The following DISP1 variants were observed in gnomAD, a reference collection of about 807,000 sequenced individuals.
DISP1 encodes dispatched RND transporter family member 1.
In DISP1, 30 loss-of-function variants were observed where a neutral mutation model predicts 37.3. That is an observed-to-expected ratio of 0.80 (90% confidence interval 0.60 to 1.09). DISP1 has a LOEUF of 1.09. Ranked by LOEUF, DISP1 falls within the 50% of genes least tolerant of loss-of-function variation. The probability of loss-of-function intolerance (pLI) is 0.00; values close to 1 mark genes in which losing one functional copy is unlikely to be tolerated. For synonymous variants in DISP1, 634 were observed against 690.2 expected (o/e 0.92, Z 1.28); for missense variants, 1,598 against 1,879.5 (o/e 0.85, Z 2.77).
At position 222,893,566 on chromosome 1, in the gene DISP1, G is replaced by A. The variant is rs932525705; in HGVS notation, c.-158-34864G>A. Among the ~76,000 whole-genome samples the A allele has an allele frequency of 1.3e-5, 2 of 152,194 alleles. No individual in the cohort carries two copies. The highest frequency in any genetic ancestry group is 6.5e-5 in the Admixed American group (1 of 15,284). On this transcript the variant is annotated intron_variant, in intron 1 of 8. Coordinates refer to ENST00000675850, the MANE Select transcript of DISP1 (RefSeq NM_001377229.1). The surrounding 1 kb of genome is among the most constrained non-coding windows in gnomAD (Gnocchi z 4.3). Reference sequence around the variant, plus strand: ...GGCACATCAGCTGCTGTGGCAGGGCGGGCAGCCCCAGGCGCCGGCACTGAC... The same window carrying A: ...GGCACATCAGCTGCTGTGGCAGGGCAGGCAGCCCCAGGCGCCGGCACTGAC...
rs576244707 is a variant in DISP1, at chr1:222,981,235, G to A, written c.510-1845G>A. On this transcript the variant is annotated intron_variant, in intron 3 of 8. Transcript: ENST00000675850. ...TTGGTTTTACAGACAAATACTCACA[G>A]GACAGAGAACAGCAAATTAGGTATC... is the stretch of plus-strand genomic sequence containing the variant. Among the ~76,000 whole-genome samples the A allele has an allele frequency of 4.6e-5, 7 of 152,282 alleles. No individual in the cohort carries two copies. In the South Asian group the frequency reaches 1.2e-3, roughly 27 times the overall value.
chr1:222,951,956 A>G (rs1675256590), intron 3 of DISP1, among the ~76,000 whole-genome samples: 1 of 152,234 alleles, frequency 6.6e-6, no homozygotes, highest in Non-Finnish European at 1.5e-5. Flanking sequence ...ACTTTTATGT[A>G]TAAATTTTTA....
At position 222,973,509 on chromosome 1, in the gene DISP1, ATG is replaced by A. The variant is rs1218245891; in HGVS notation, c.510-9567_510-9566del. On this transcript the variant is annotated intron_variant, in intron 3 of 8. Transcript: ENST00000675850. Reference sequence around the variant, plus strand: ...TGTGTATGTATATGTTTGTATATGAATGTGTACTCACATTGTGTAGTGCCCCA... The same window carrying A: ...TGTGTATGTATATGTTTGTATATGAATGTACTCACATTGTGTAGTGCCCCA... Among the ~76,000 whole-genome samples, 10 of 152,284 alleles carry A rather than the reference ATG, an allele frequency of 6.6e-5. No homozygotes were observed. In the East Asian group the frequency reaches 1.9e-3, roughly 29 times the overall value.
intron 1 of DISP1, among the ~76,000 whole-genome samples, chr1:222,864,932 A>G (rs1669100402): frequency 6.6e-6 from 1 of 152,148 alleles, no homozygotes; most frequent in Admixed American, 6.6e-5. Context: ...GGGGAAAAGC[A>G]GTAGGGTTTC....
At chr1:222,985,645 G>A (rs1055974317) in intron 4 of DISP1, among the ~76,000 whole-genome samples, 6 of 152,164 alleles carry the variant, frequency 3.9e-5, no homozygotes, top group Non-Finnish European at 5.9e-5. Context: ...GCAAGACTCC[G>A]TCTCGGGGTG....
intron 3 of DISP1, among the ~76,000 whole-genome samples, chr1:222,963,808 G>A (rs1374140907): frequency 6.6e-6 from 1 of 151,854 alleles, no homozygotes; most frequent in Admixed American, 6.6e-5. Context: ...TGGGTCAATA[G>A]GTGCAGCAAA....
At chr1:222,842,182 A>G (rs1225414729) in intron 1 of DISP1, among the ~76,000 whole-genome samples, 7 of 152,048 alleles carry the variant, frequency 4.6e-5, no homozygotes, top group Non-Finnish European at 1.0e-4. Flanking sequence ...ATTTACTGCT[A>G]TATGCAGCTC....
chr1:222,855,431 AATAT>A (rs1469298075), intron 1 of DISP1, among the ~76,000 whole-genome samples: 1 of 152,214 alleles, frequency 6.6e-6, no homozygotes, highest in Non-Finnish European at 1.5e-5. Flanking sequence ...CATTAGGAAG[AATAT>A]ATATGGAAGT....
intron 1 of DISP1, among the ~76,000 whole-genome samples, chr1:222,849,512 G>C (rs1668108375): frequency 6.6e-6 from 1 of 152,076 alleles, no homozygotes; most frequent in African/African-American, 2.4e-5. Flanking sequence ...ATGTATCCAT[G>C]ATTTGGGAAG....
chr1:222,846,709 A>G (rs73128608), intron 1 of DISP1, among the ~76,000 whole-genome samples: 8,276 of 152,352 alleles, frequency 0.054, 693 homozygotes, highest in African/African-American at 0.18. Context: ...ACTAGAATAT[A>G]GGACAAAGGG....
chr1:222,842,567 T>C (rs1455233104), intron 1 of DISP1, among the ~76,000 whole-genome samples: 1 of 152,086 alleles, frequency 6.6e-6, no homozygotes, highest in Non-Finnish European at 1.5e-5. Context: ...TATTAGTATT[T>C]TCCAAAGTAT....
rs372515111 is a variant in DISP1, at chr1:222,918,733, G to A, written c.-158-9697G>A. 4.6e-5 allele frequency among the ~76,000 whole-genome samples: 7 copies of A among 152,348 alleles called. No individual in the cohort carries two copies. In the East Asian group the frequency reaches 1.2e-3, roughly 25 times the overall value. Reference sequence around the variant, plus strand: ...TTTTTACTGTGCTATTGCACGAGAAGAATAAACCTTGATTTGTTTTCTCTG... The same window carrying A: ...TTTTTACTGTGCTATTGCACGAGAAAAATAAACCTTGATTTGTTTTCTCTG... On this transcript the variant is annotated intron_variant, in intron 1 of 8. Transcript: ENST00000675850.
intron 3 of DISP1, among the ~76,000 whole-genome samples, chr1:222,945,419 TA>T (rs1674700044): frequency 6.6e-6 from 1 of 152,218 alleles, no homozygotes; most frequent in Non-Finnish European, 1.5e-5. Flanking sequence ...TTTCAAATAA[TA>T]AATTATATGG....
intron 3 of DISP1, among the ~76,000 whole-genome samples, chr1:222,972,773 A>G (rs974183273): frequency 1.3e-5 from 2 of 152,100 alleles, no homozygotes; most frequent in African/African-American, 2.4e-5. Context: ...TACTGTACCT[A>G]TACGTTATAA....
intron 8 of DISP1, among the ~76,000 whole-genome samples, chr1:222,998,927 C>T (rs75727366): frequency 0.015 from 2,353 of 152,186 alleles, 59 homozygotes; most frequent in African/African-American, 0.053. Flanking sequence ...CCCGAGGCTC[C>T]CCTTAAACGT....
Position 223,004,769 on chromosome 1 carries a change from C to A in DISP1, c.3372C>A (p.Thr1124=). Residue 1124 remains threonine (T), a synonymous_variant, in exon 9 of 9, where the codon ACC becomes ACA. Transcript: ENST00000675850. The surrounding 1 kb of genome is among the most constrained non-coding windows in gnomAD (Gnocchi z 4.9). ...LIMCISWAFA[T]FFFQCMCRCL... is the part of the protein sequence containing the mutation. The stretch of plus-strand genomic sequence containing the variant: ...TGTGTATCAGTTGGGCTTTCGCCAC[C>A]TTCTTTTTCCAGTGCATGTGCCGGT... 1.9e-6 allele frequency: 3 copies of A among 1,613,426 alleles called. No homozygotes were observed. Among genetic ancestry groups the A allele is most frequent in the Non-Finnish European group, 2.5e-6 (3 of 1,180,046 alleles).
At chr1:222,847,572 AC>A (rs1304952364) in intron 1 of DISP1, among the ~76,000 whole-genome samples, 1 of 152,050 alleles carries the variant, frequency 6.6e-6, no homozygotes, top group East Asian at 1.9e-4. Flanking sequence ...TTACACCTAT[AC>A]CTCCAATTCC....
chr1:222,839,248 A>G (rs190578134), intron 1 of DISP1, among the ~76,000 whole-genome samples: 51 of 152,260 alleles, frequency 3.3e-4, no homozygotes, highest in African/African-American at 8.4e-4. Context: ...TGTGAACTCT[A>G]TTGTGAACTG....
intron 3 of DISP1, among the ~76,000 whole-genome samples, chr1:222,979,144 C>T (rs1158432465): frequency 1.3e-5 from 2 of 152,216 alleles, no homozygotes; most frequent in Non-Finnish European, 2.9e-5. Flanking sequence ...CACAGGGGCT[C>T]ACGCCTGTAA....
Sources: gnomAD v4.1 joint callset for allele counts (sites outside exome capture counted in the v4.1 genomes callset) on GRCh38, gnomAD v4.1.1 for gene constraint, Gnocchi (gnomAD v3.1) non-coding constraint, MANE v1.5 for transcripts, NCBI Gene and HGNC (gene_info 2026-07-23, HGNC 2026-07-21) for gene names.